Variants in TTLL9 observed in about 807,000 individuals in gnomAD.
TTLL9 encodes the protein probable tubulin polyglutamylase TTLL9.
A neutral mutation model predicts 65.6 loss-of-function variants in TTLL9; 47 were observed. That is an observed-to-expected ratio of 0.72 (90% CI 0.57 to 0.91). TTLL9 has a LOEUF of 0.91. Among genes scored for constraint, TTLL9 ranks in the 40% least tolerant of loss-of-function variants. The pLI is 0.00. For synonymous variants in TTLL9, 179 were observed against 204.8 expected (o/e 0.87, Z 1.07); for missense variants, 537 against 568.8 (o/e 0.94, Z 0.57).
chr20:31,902,474 G>A (rs1262403548), intron 4 of TTLL9, among the ~76,000 whole-genome samples: 3 of 152,002 alleles, frequency 2.0e-5, no homozygotes, highest in Admixed American at 6.6e-5. Context: ...TCTGCCTCCC[G>A]GTTTCATGCC....
chr20:31,924,006 C>A (rs1239208642), intron 8 of TTLL9, among the ~76,000 whole-genome samples: 2 of 152,120 alleles, frequency 1.3e-5, no homozygotes, highest in African/African-American at 2.4e-5. Context: ...CAAATTCTGC[C>A]CTCCCATCCC....
At chr20:31,931,129 G>T (rs1451573691) in intron 10 of TTLL9, among the ~76,000 whole-genome samples, 1 of 149,172 alleles carries the variant, frequency 6.7e-6, no homozygotes, top group East Asian at 2.0e-4. Context: ...GCCCAGGCTG[G>T]AGTGCAGTGG....
At chr20:31,884,609 A>C (rs2063163274) in intron 2 of TTLL9, among the ~76,000 whole-genome samples, 1 of 152,196 alleles carries the variant, frequency 6.6e-6, no homozygotes, top group Admixed American at 6.5e-5. Flanking sequence ...CTGCCTTCAT[A>C]TCTGGAGGCT....
In TTLL9 at chr20:31,918,544, A is replaced by G. The variant is rs559669223; in HGVS notation, c.505-1320A>G. 4.3e-4 allele frequency among the ~76,000 whole-genome samples: 65 copies of G among 152,102 alleles called. No individual in the cohort carries two copies. The South Asian group carries it at 7.9e-3, about 18-fold the overall frequency. ...GCACTCTCATACCCAGCTAATTTTT[A>G]AAGCTATTTTTAGTAGCGATGTGAT... is the stretch of plus-strand genomic sequence containing the variant. On this transcript the variant is annotated intron_variant, in intron 6 of 14. Coordinates refer to ENST00000535842, the MANE Select transcript of TTLL9 (RefSeq NM_001008409.5).
chr20:31,907,728 GAA>G (rs756500222), intron 4 of TTLL9, among the ~76,000 whole-genome samples: 1 of 127,488 alleles, frequency 7.8e-6, no homozygotes. Context: ...CTCGAAAAAA[GAA>G]AAAAAAAAAA....
At chr20:31,908,562 C>T (rs2063594216) in intron 4 of TTLL9, 29 bp from the exon 5 acceptor site, 3 of 1,565,978 alleles carry the variant, frequency 1.9e-6, no homozygotes, top group Non-Finnish European at 2.6e-6. Flanking sequence ...AGACCATGAC[C>T]TTTATCCCCG....
At chr20:31,894,098 C>CTTTTTTTTTTTTTTT (rs1162101774) in intron 3 of TTLL9, among the ~76,000 whole-genome samples, 2 of 92,084 alleles carry the variant, frequency 2.2e-5, no homozygotes, top group Non-Finnish European at 4.2e-5. Context: ...CCATTTGGTT[C>CTTTTTTTTTTTTTTT]TTTTTTTTTT....
intron 11 of TTLL9, among the ~76,000 whole-genome samples, chr20:31,934,063 G>A (rs2064064361): frequency 6.6e-6 from 1 of 152,202 alleles, no homozygotes; most frequent in Non-Finnish European, 1.5e-5. Flanking sequence ...TTTAAAAGTT[G>A]CAAATCACAC....
rs62206330 is a variant in TTLL9, at chr20:31,937,613, C to T, written c.1118+104C>T. 5.3e-3 allele frequency: 4,640 copies of T among 868,952 alleles called. 66 individuals carry two copies. Among genetic ancestry groups the T allele is most frequent in the African/African-American group, 0.036 (2,101 of 58,962 alleles). 53.8% of individuals were successfully genotyped at this position (868,952 alleles called of 1,614,324 possible). A position where few individuals can be genotyped will look rare whatever the true frequency, so the allele number is the denominator to read the frequency against. ...ACCTTGGGGCCTGAGTGGCCCTCAG[C>T]GATGGCTCTGGCCTGCCCCACCACT... On this transcript the variant is annotated intron_variant, in intron 13 of 14. Transcript: ENST00000535842.
At position 31,935,160 on chromosome 20, in the gene TTLL9, CT is replaced by C. The variant is rs147040668; in HGVS notation, c.1004+273del. Reference sequence around the variant, plus strand: ...GCACTGGGAGGCCCTTCCTGATCATCTGCTGAGTCAGGAATTCTCCCCTATA... The same window carrying C: ...GCACTGGGAGGCCCTTCCTGATCATCGCTGAGTCAGGAATTCTCCCCTATA... On this transcript the variant is annotated intron_variant, in intron 12 of 14. Transcript: ENST00000535842. Among the ~76,000 whole-genome samples, 533 of 152,326 alleles carry C rather than the reference CT, an allele frequency of 3.5e-3. 3 individuals are homozygous for C. The highest frequency in any genetic ancestry group is 0.012 in the African/African-American group (518 of 41,570).
intron 3 of TTLL9, among the ~76,000 whole-genome samples, chr20:31,893,738 G>A (rs1016520427): frequency 5.3e-5 from 8 of 150,716 alleles, no homozygotes; most frequent in African/African-American, 2.0e-4. Flanking sequence ...TGTAGTTTAC[G>A]TTGTGTCTGT....
At chr20:31,904,174 C>T (rs1283554835) in intron 4 of TTLL9, among the ~76,000 whole-genome samples, 1 of 152,174 alleles carries the variant, frequency 6.6e-6, no homozygotes, top group East Asian at 1.9e-4. Flanking sequence ...TGTCTTATCA[C>T]TGGTGACAGT....
chr20:31,891,757 T>C (rs565108536), intron 3 of TTLL9, among the ~76,000 whole-genome samples: 2 of 152,382 alleles, frequency 1.3e-5, no homozygotes, highest in Admixed American at 6.5e-5. Flanking sequence ...ATATGTGGCA[T>C]ACATCTAACA....
intron 6 of TTLL9, among the ~76,000 whole-genome samples, chr20:31,915,438 T>A (rs553684647): frequency 5.3e-5 from 8 of 152,276 alleles, no homozygotes; most frequent in African/African-American, 1.9e-4. Flanking sequence ...GCCGAGATCC[T>A]GCCACTGTAC....
chr20:31,873,417 A>C (rs1600504072), intron 2 of TTLL9, among the ~76,000 whole-genome samples: 1 of 152,056 alleles, frequency 6.6e-6, no homozygotes, highest in East Asian at 1.9e-4. Context: ...GGGAGGCTGA[A>C]GCGGGAACAT....
At chr20:31,910,491 C>T (rs2063630036) in intron 6 of TTLL9, among the ~76,000 whole-genome samples, 1 of 152,178 alleles carries the variant, frequency 6.6e-6, no homozygotes, top group African/African-American at 2.4e-5. Flanking sequence ...GGAGGCTCTT[C>T]CTGGCTGGGC....
At chr20:31,873,814 AAGGAAGG>A (rs1176693384) in intron 2 of TTLL9, among the ~76,000 whole-genome samples, 5 of 75,096 alleles carry the variant, frequency 6.7e-5, no homozygotes, top group African/African-American at 2.4e-4. Flanking sequence ...GGAAGGAAGG[AAGGAAGG>A]AAGAAAGAAA....
intron 6 of TTLL9, among the ~76,000 whole-genome samples, chr20:31,918,011 C>T (rs545767899): frequency 6.6e-6 from 1 of 152,098 alleles, no homozygotes; most frequent in South Asian, 2.1e-4. Flanking sequence ...CAGGCATATC[C>T]CCCGGGTTGC....
At chr20:31,887,110 G>A (rs2063201634) in intron 2 of TTLL9, 86 bp from the exon 3 acceptor site, 1 of 1,395,242 alleles carries the variant, frequency 7.2e-7, no homozygotes, top group East Asian at 2.3e-5. Flanking sequence ...GACGGTTTGG[G>A]CATTTTAATA....
Sources: allele counts gnomAD v4.1 joint callset (sites outside exome capture counted in the v4.1 genomes callset), GRCh38; gene constraint gnomAD v4.1.1; transcripts MANE v1.5; gene names NCBI Gene and HGNC (gene_info 2026-07-23, HGNC 2026-07-21).